Variants in CDK6 observed in about 807,000 individuals in gnomAD.
CDK6 encodes cyclin-dependent kinase 6.
In CDK6, 6 loss-of-function variants were observed where a neutral mutation model predicts 37.1. That is an observed-to-expected ratio of 0.16 (90% CI 0.09 to 0.32). The LOEUF (loss-of-function observed/expected upper bound fraction) is 0.32. Among genes scored for constraint, CDK6 ranks in the 10% least tolerant of loss-of-function variants. The pLI, the probability that CDK6 is intolerant of heterozygous loss-of-function variation, is 1.00. For missense variants in CDK6, 224 were observed against 418.9 expected (o/e 0.53, Z 4.06); for synonymous variants, 160 against 161.3 (o/e 0.99, Z 0.06).
At chr7:92,780,104 C>G (rs1486864551) in intron 2 of CDK6, among the ~76,000 whole-genome samples, 2 of 152,136 alleles carry the variant, frequency 1.3e-5, no homozygotes, top group South Asian at 2.1e-4. Flanking sequence ...TCCCGAGTAG[C>G]TGGGACTACA....
intron 3 of CDK6, among the ~76,000 whole-genome samples, chr7:92,740,994 G>C (rs1285731736): frequency 3.9e-5 from 6 of 152,222 alleles, no homozygotes; most frequent in African/African-American, 1.4e-4. Context: ...AGGAATTCAG[G>C]CTACAAAACC....
intron 3 of CDK6, among the ~76,000 whole-genome samples, chr7:92,764,053 A>G (rs925578051): frequency 6.7e-6 from 1 of 148,676 alleles, no homozygotes; most frequent in Non-Finnish European, 1.5e-5. Context: ...TGTTGGGTTT[A>G]AAAAAAAAAC....
chr7:92,631,564 T>C (rs1232196465), intron 5 of CDK6, among the ~76,000 whole-genome samples: 1 of 152,180 alleles, frequency 6.6e-6, no homozygotes, highest in Non-Finnish European at 1.5e-5. Flanking sequence ...TCTCTTTCAG[T>C]AAATGACTTC....
chr7:92,781,848 A>G (rs987337330), intron 2 of CDK6, among the ~76,000 whole-genome samples: 1 of 152,208 alleles, frequency 6.6e-6, no homozygotes, highest in Non-Finnish European at 1.5e-5. Context: ...TCTTAAGTGC[A>G]TGAAGCATAT....
intron 2 of CDK6, among the ~76,000 whole-genome samples, chr7:92,796,062 C>T (rs1345001781): frequency 7.0e-6 from 1 of 142,518 alleles, no homozygotes; most frequent in South Asian, 2.2e-4. Context: ...ACAAAGGTAA[C>T]ACCACCAGCA....
chr7:92,811,825 A>G (rs1432630766), intron 2 of CDK6, among the ~76,000 whole-genome samples: 1 of 152,170 alleles, frequency 6.6e-6, no homozygotes, highest in East Asian at 1.9e-4. Context: ...AAGGAGAGGA[A>G]TAAGTAAGGC....
At chr7:92,785,481 G>A (rs1270892565) in intron 2 of CDK6, among the ~76,000 whole-genome samples, 1 of 152,122 alleles carries the variant, frequency 6.6e-6, no homozygotes, top group Non-Finnish European at 1.5e-5. Flanking sequence ...TGATAGCTGT[G>A]CAACTCAGTA....
At chr7:92,790,591 T>C (rs1379477300) in intron 2 of CDK6, among the ~76,000 whole-genome samples, 1 of 152,210 alleles carries the variant, frequency 6.6e-6, no homozygotes, top group African/African-American at 2.4e-5. Context: ...GTGGGAAAAG[T>C]AGACAAAGTA....
intron 2 of CDK6, among the ~76,000 whole-genome samples, chr7:92,809,918 T>C (rs1217544564): frequency 6.6e-6 from 1 of 152,184 alleles, no homozygotes; most frequent in African/African-American, 2.4e-5. Flanking sequence ...TCGTCAGCAC[T>C]TCTGGTGCCA....
At chr7:92,656,887 A>G (rs1219166209) in intron 5 of CDK6, among the ~76,000 whole-genome samples, 1 of 152,096 alleles carries the variant, frequency 6.6e-6, no homozygotes, top group Non-Finnish European at 1.5e-5. Context: ...GAGCATTCTT[A>G]TCTCTGAAGA....
intron 3 of CDK6, among the ~76,000 whole-genome samples, chr7:92,727,083 G>C (rs1383029544): frequency 6.6e-6 from 1 of 152,214 alleles, no homozygotes; most frequent in Non-Finnish European, 1.5e-5. Flanking sequence ...CTCAGGGACA[G>C]TGTCTGAAGG....
At chr7:92,715,587 G>A (rs1218495099) in intron 4 of CDK6, among the ~76,000 whole-genome samples, 1 of 152,178 alleles carries the variant, frequency 6.6e-6, no homozygotes, top group Non-Finnish European at 1.5e-5. Flanking sequence ...CCCTAGAGAG[G>A]GGGAAAGCAG....
intron 2 of CDK6, among the ~76,000 whole-genome samples, chr7:92,801,604 G>T (rs2115900463): frequency 6.6e-6 from 1 of 152,086 alleles, no homozygotes; most frequent in East Asian, 1.9e-4. Context: ...AAGAGAGAAA[G>T]AATATTCTCT....
At chr7:92,802,972 T>C (rs1243270039) in intron 2 of CDK6, among the ~76,000 whole-genome samples, 1 of 152,192 alleles carries the variant, frequency 6.6e-6, no homozygotes, top group Non-Finnish European at 1.5e-5. Context: ...TGAGAACTAC[T>C]ACTATAGAGG....
chr7:92,803,235 C>T (rs1474217150), intron 2 of CDK6, among the ~76,000 whole-genome samples: 1 of 152,144 alleles, frequency 6.6e-6, no homozygotes, highest in African/African-American at 2.4e-5. Flanking sequence ...CAATAAGTCA[C>T]AGGTTTTGCT....
At chr7:92,768,139 A>G (rs1002210774) in intron 3 of CDK6, among the ~76,000 whole-genome samples, 11 of 152,136 alleles carry the variant, frequency 7.2e-5, no homozygotes, top group African/African-American at 2.7e-4. Flanking sequence ...AGTTCTGGAG[A>G]GACAAGGGAT....
chr7:92,793,243 A>G (rs1800325799), intron 2 of CDK6, among the ~76,000 whole-genome samples: 1 of 152,132 alleles, frequency 6.6e-6, no homozygotes, highest in Non-Finnish European at 1.5e-5. Flanking sequence ...AAAAATTGAC[A>G]AGCTGATCCT....
In CDK6 at chr7:92,836,509, G is replaced by A. The variant is rs1801681464; in HGVS notation, c.-399C>T. Reference sequence around the variant, plus strand: ...GGCCCAGTCGCGTCGGGCCTCCCGAGGGGGCTGCGAGTGTCAGTCGGCTCT... The same window carrying A: ...GGCCCAGTCGCGTCGGGCCTCCCGAAGGGGCTGCGAGTGTCAGTCGGCTCT... On this transcript the variant is annotated 5_prime_UTR_variant, in exon 1 of 8. Coordinates refer to ENST00000424848, the MANE Select transcript of CDK6 (RefSeq NM_001145306.2). The A allele has an allele frequency of 1.3e-5, 2 of 152,032 alleles. No individual in the cohort carries two copies. The highest frequency in any genetic ancestry group is 2.1e-4 in the South Asian group (1 of 4,816). The allele number at this position is 152,032 out of a possible 1,614,324, so 9.4% of individuals were successfully genotyped here. A position where few individuals can be genotyped will look rare whatever the true frequency, so the allele number is the denominator to read the frequency against.
intron 2 of CDK6, among the ~76,000 whole-genome samples, chr7:92,805,388 T>TA (rs1800698374): frequency 6.6e-6 from 1 of 152,282 alleles, no homozygotes; most frequent in African/African-American, 2.4e-5. Flanking sequence ...TGGTTTAAAA[T>TA]AAAAATCCAT....
Sources: gnomAD v4.1 joint callset for allele counts (sites outside exome capture counted in the v4.1 genomes callset) on GRCh38, gnomAD v4.1.1 for gene constraint, MANE v1.5 for transcripts, NCBI Gene and HGNC (gene_info 2026-07-23, HGNC 2026-07-21) for gene names.